SNX18: variants seen among roughly 807,000 people sequenced by gnomAD.
The protein encoded by SNX18 is sorting nexin 18, also known as sorting nexin-18.
A neutral mutation model predicts 48.7 loss-of-function variants in SNX18; 35 were observed. The observed-to-expected ratio is 0.72, with a 90% CI of 0.55 to 0.95. The LOEUF (loss-of-function observed/expected upper bound fraction) is 0.95. Ranked by LOEUF, SNX18 falls within the 40% of genes least tolerant of loss-of-function variation. The pLI, the probability that SNX18 is intolerant of heterozygous loss-of-function variation, is 0.00. For synonymous variants in SNX18, 492 were observed against 384.7 expected, an observed-to-expected ratio of 1.28 and a Z score of -3.26; for missense variants, 824 against 871.0, an observed-to-expected ratio of 0.95 and a Z score of 0.68.
the SNX18 span, among the ~76,000 whole-genome samples, chr5:54,601,431 C>G: frequency 7.2e-5 from 11 of 152,312 alleles, no homozygotes; most frequent in South Asian, 2.3e-3. Flanking sequence ...TTGCTAGACT[C>G]TAACAGTGAG....
the SNX18 span, among the ~76,000 whole-genome samples, chr5:54,598,926 G>A: frequency 3.3e-5 from 5 of 152,136 alleles, no homozygotes; most frequent in Middle Eastern, 3.2e-3. Context: ...CAAATATGAA[G>A]GGAGGAAGTC....
the SNX18 span, among the ~76,000 whole-genome samples, chr5:54,578,442 C>A: frequency 1.3e-5 from 2 of 152,082 alleles, no homozygotes; most frequent in East Asian, 1.9e-4. Flanking sequence ...AGAGGCCCTG[C>A]GGCCTTAGTG....
the SNX18 span, among the ~76,000 whole-genome samples, chr5:54,567,359 G>A: frequency 3.5e-4 from 53 of 152,096 alleles, 1 homozygote; most frequent in South Asian, 0.01. Flanking sequence ...GAGAGGTGGA[G>A]CGTGAAGGAT....
At chr5:54,567,370 C>A in the SNX18 span, among the ~76,000 whole-genome samples, 1 of 151,826 alleles carries the variant, frequency 6.6e-6, no homozygotes, top group Non-Finnish European at 1.5e-5. Context: ...CGTGAAGGAT[C>A]CTATGCAAGC....
At chr5:54,613,434 G>A in the SNX18 span, among the ~76,000 whole-genome samples, 1 of 152,032 alleles carries the variant, frequency 6.6e-6, no homozygotes, top group Non-Finnish European at 1.5e-5. Context: ...CTTTTATCCG[G>A]AAGCCACTCC....
At chr5:54,611,758 GC>G in the SNX18 span, among the ~76,000 whole-genome samples, 4 of 152,140 alleles carry the variant, frequency 2.6e-5, no homozygotes, top group Non-Finnish European at 5.9e-5. Context: ...GGGGGTGGGG[GC>G]TGGAAATGAT....
chr5:54,560,448 G>A, the SNX18 span, among the ~76,000 whole-genome samples: 5 of 152,240 alleles, frequency 3.3e-5, no homozygotes, highest in South Asian at 2.1e-4. Context: ...ACATAGAGGA[G>A]AACAACACAC....
intron 1 of SNX18, among the ~76,000 whole-genome samples, chr5:54,529,678 T>G (rs1475249518): frequency 6.6e-6 from 1 of 152,116 alleles, no homozygotes; most frequent in Non-Finnish European, 1.5e-5. Flanking sequence ...GTCTTAATTC[T>G]ATGCAGGAGT....
At chr5:54,556,152 T>C in the SNX18 span, among the ~76,000 whole-genome samples, 1 of 152,238 alleles carries the variant, frequency 6.6e-6, no homozygotes, top group Non-Finnish European at 1.5e-5. Flanking sequence ...TTTTTTATTA[T>C]GAATGATGCT....
At chr5:54,597,069 G>A in the SNX18 span, among the ~76,000 whole-genome samples, 1 of 152,180 alleles carries the variant, frequency 6.6e-6, no homozygotes, top group African/African-American at 2.4e-5. Context: ...AATTTACCAA[G>A]CAAATGGGAA....
chr5:54,590,450 G>A, the SNX18 span, among the ~76,000 whole-genome samples: 10 of 152,112 alleles, frequency 6.6e-5, no homozygotes, highest in African/African-American at 2.4e-4. Context: ...TTTCTTTTGA[G>A]CAGAAACTGC....
At chr5:54,584,417 A>AAATTCATAT in the SNX18 span, among the ~76,000 whole-genome samples, 1 of 152,086 alleles carries the variant, frequency 6.6e-6, no homozygotes, top group Non-Finnish European at 1.5e-5. Context: ...AAGCAATAAT[A>AAATTCATAT]AATTCATATA....
chr5:54,629,374 T>C, the SNX18 span, among the ~76,000 whole-genome samples: 3 of 152,358 alleles, frequency 2.0e-5, no homozygotes, highest in South Asian at 4.1e-4. Flanking sequence ...TCATCATCAT[T>C]AGCCCCAACT....
At chr5:54,590,969 G>C in the SNX18 span, among the ~76,000 whole-genome samples, 1 of 152,144 alleles carries the variant, frequency 6.6e-6, no homozygotes, top group African/African-American at 2.4e-5. Context: ...TAAAGAAACA[G>C]AGTAAAGTAA....
chr5:54,607,295 C>T, the SNX18 span, among the ~76,000 whole-genome samples: 1 of 152,160 alleles, frequency 6.6e-6, no homozygotes, highest in Non-Finnish European at 1.5e-5. Context: ...CAGCCCCACT[C>T]CCCAACGCCT....
Position 54,517,918 on chromosome 5 carries a change from C to T in SNX18, c.-35C>T, listed in dbSNP as rs1386555357. 7.4e-6 allele frequency: 11 copies of T among 1,479,362 alleles called. No individual in the cohort carries two copies. In the South Asian group the frequency reaches 1.2e-4, roughly 16 times the overall value. The allele number at this position is 1,479,362 out of a possible 1,614,324, so 91.6% of individuals were successfully genotyped here. On this transcript the variant is annotated 5_prime_UTR_variant, in exon 1 of 2. Coordinates refer to ENST00000381410, the MANE Select transcript of SNX18 (RefSeq NM_001102575.2). Reference sequence around the variant, plus strand: ...TCAGGTGGGCCTCGGCTCGGGACGCCGGGAGTCGGGACCGCCAGTCGGGGC... The same window carrying T: ...TCAGGTGGGCCTCGGCTCGGGACGCTGGGAGTCGGGACCGCCAGTCGGGGC...
chr5:54,562,289 G>A, the SNX18 span, among the ~76,000 whole-genome samples: 15 of 152,296 alleles, frequency 9.8e-5, no homozygotes, highest in Admixed American at 3.3e-4. Context: ...TCTTAATGAC[G>A]ATGGATTCTG....
the SNX18 span, among the ~76,000 whole-genome samples, chr5:54,554,743 G>A: frequency 6.6e-6 from 1 of 152,142 alleles, no homozygotes; most frequent in Admixed American, 6.6e-5. Context: ...AATGCATCAT[G>A]CCTTTAAAAA....
the SNX18 span, among the ~76,000 whole-genome samples, chr5:54,638,315 A>G: frequency 6.6e-6 from 1 of 152,206 alleles, no homozygotes; most frequent in African/African-American, 2.4e-5. Context: ...TAAAAAATAA[A>G]AAGGGGGAGG....
Sources: allele counts gnomAD v4.1 joint callset (sites outside exome capture counted in the v4.1 genomes callset), GRCh38; gene constraint gnomAD v4.1.1; transcripts MANE v1.5; gene names NCBI Gene and HGNC (gene_info 2026-07-23, HGNC 2026-07-21).